ROR1: variants seen among roughly 807,000 people sequenced by gnomAD.
ROR1 encodes ROR family WNT receptor 1.
ROR1 carries 19 observed loss-of-function variants against 78.8 expected under a neutral mutation model. The ratio of observed to expected loss-of-function variants is 0.24; its 90% CI spans 0.17 to 0.35. The LOEUF is 0.35. Among genes scored for constraint, ROR1 ranks in the 10% least tolerant of loss-of-function variants. ROR1 has a pLI of 1.00. For missense variants in ROR1, 917 were observed against 1,177.8 expected (o/e 0.78, Z 3.24); for synonymous variants, 386 against 433.6 (o/e 0.89, Z 1.36).
rs1349362602 is a variant in ROR1 at position 64,177,450 on chromosome 1, T to C, written c.1409T>C (p.Leu470Pro). Residue 470 changes from leucine to proline, a missense_variant, in exon 9 of 9, where the codon CTT becomes CCT. Physicochemically the swap from Leu to Pro is moderately conservative, Grantham distance 98. Around this residue, in one of 3 missense-constraint regions of ROR1, gnomAD observed 835 missense variants for 1,069.8 expected, o/e 0.78. Coordinates refer to ENST00000371079, the MANE Select transcript of ROR1 (RefSeq NM_005012.4). Reference sequence around the variant, plus strand: ...CAGAGCAAGGCTAAAGAGCTACCTCTTTCTGCTGTACGCTTTATGGAAGAA... The same window carrying C: ...CAGAGCAAGGCTAAAGAGCTACCTCCTTCTGCTGTACGCTTTATGGAAGAA... The part of the protein sequence containing the change: ...KPKSKAKELP[L>P]SAVRFMEELG... 6.2e-7 allele frequency: 1 copy of C among 1,613,904 alleles called. No homozygotes were observed. The highest frequency in any genetic ancestry group is 8.5e-7 in the Non-Finnish European group (1 of 1,179,928).
chr1:63,978,872 G>A (rs2100506399), intron 1 of ROR1, among the ~76,000 whole-genome samples: 1 of 152,318 alleles, frequency 6.6e-6, no homozygotes, highest in Admixed American at 6.5e-5. Context: ...AGTCTGTGGG[G>A]TGCGCTGGCA....
intron 1 of ROR1, among the ~76,000 whole-genome samples, chr1:63,921,704 G>T (rs1468259483): frequency 6.6e-6 from 1 of 151,994 alleles, no homozygotes; most frequent in African/African-American, 2.4e-5. Context: ...GAGGCTAGAA[G>T]TCAGGAAACC....
At chr1:63,843,008 G>A (rs1645058339) in intron 1 of ROR1, among the ~76,000 whole-genome samples, 1 of 152,114 alleles carries the variant, frequency 6.6e-6, no homozygotes, top group South Asian at 2.1e-4. Flanking sequence ...GAACCGTCAG[G>A]GATGGAGGGA....
intron 1 of ROR1, among the ~76,000 whole-genome samples, chr1:63,986,644 A>G (rs965495941): frequency 5.3e-5 from 8 of 152,234 alleles, no homozygotes; most frequent in African/African-American, 1.7e-4. Flanking sequence ...TGTAATCCCA[A>G]CACTTTGGGA....
At chr1:63,933,446 C>T (rs949872756) in intron 1 of ROR1, among the ~76,000 whole-genome samples, 4 of 152,126 alleles carry the variant, frequency 2.6e-5, no homozygotes, top group Admixed American at 6.5e-5. Context: ...ATGAAACCCT[C>T]AATCAAATGT....
chr1:63,995,903 T>C (rs927670937), intron 1 of ROR1, among the ~76,000 whole-genome samples: 2 of 152,122 alleles, frequency 1.3e-5, no homozygotes, highest in African/African-American at 4.8e-5. Context: ...CTAGATTCAA[T>C]GGTACAGAAA....
intron 1 of ROR1, among the ~76,000 whole-genome samples, chr1:63,980,218 A>G (rs1371878222): frequency 6.6e-6 from 1 of 152,108 alleles, no homozygotes; most frequent in Non-Finnish European, 1.5e-5. Context: ...CATCTAACTC[A>G]TGCTGCCAGA....
chr1:64,010,759 T>C (rs534989105), intron 2 of ROR1, among the ~76,000 whole-genome samples: 1 of 152,268 alleles, frequency 6.6e-6, no homozygotes, highest in Admixed American at 6.5e-5. Flanking sequence ...CCCATCCTGT[T>C]CTCATAATAA....
chr1:64,053,316 G>A (rs1646848516), intron 4 of ROR1, among the ~76,000 whole-genome samples: 1 of 152,164 alleles, frequency 6.6e-6, no homozygotes. Context: ...CTCCTGCCTG[G>A]GAAGGGCTTG....
At chr1:63,861,704 G>A (rs1009082226) in intron 1 of ROR1, among the ~76,000 whole-genome samples, 1 of 152,206 alleles carries the variant, frequency 6.6e-6, no homozygotes, top group Admixed American at 6.5e-5. Context: ...AGGAAATATG[G>A]TTTTTGGGGA....
rs371760761 is a variant in ROR1, at chr1:64,051,516, A to G, written c.482+800A>G. On this transcript the variant is annotated intron_variant, in intron 4 of 8. Transcript: ENST00000371079. ...ATAAAATAAAAAAGCTGAAGTTCTA[A>G]CTTACACTGGGAAAGAAAGTCCCAA... Among the ~76,000 whole-genome samples the G allele has an allele frequency of 7.9e-5, 12 of 151,932 alleles. 1 individual carries two copies. The highest frequency in any genetic ancestry group is 1.4e-4 in the African/African-American group (6 of 41,516).
chr1:64,137,519 T>G, intron 5 of ROR1, 23 bp downstream of exon 5: 1 of 1,602,362 alleles, frequency 6.2e-7, no homozygotes, highest in Non-Finnish European at 8.5e-7. Context: ...AATGAAATTA[T>G]ATTTGTCCCT....
chr1:63,783,292 A>G lies in ROR1; in HGVS notation c.91+8784A>G, dbSNP rs188956086. Among the ~76,000 whole-genome samples the G allele has an allele frequency of 1.1e-4, 17 of 152,236 alleles. 1 individual carries two copies. The highest frequency in any genetic ancestry group is 2.1e-4 in the South Asian group (1 of 4,822). On this transcript the variant is annotated intron_variant, in intron 1 of 8. Coordinates refer to ENST00000371079, the MANE Select transcript of ROR1 (RefSeq NM_005012.4). ...CAAAGGGTGTCCCAGGGAGTTAAAA[A>G]TGTTGTGCATTTCAGGGCTGCTTGT...
At chr1:63,797,437 C>T (rs1195547473) in intron 1 of ROR1, among the ~76,000 whole-genome samples, 1 of 152,134 alleles carries the variant, frequency 6.6e-6, no homozygotes, top group Non-Finnish European at 1.5e-5. Flanking sequence ...ATGAATTTTC[C>T]CGAGTTCCTC....
chr1:64,124,608 C>T (rs536631073), intron 4 of ROR1, among the ~76,000 whole-genome samples: 3 of 152,262 alleles, frequency 2.0e-5, no homozygotes, highest in Admixed American at 1.3e-4. Flanking sequence ...CCTTCCAGAC[C>T]TCTAGTAGCC....
chr1:64,086,313 C>T (rs184606505), intron 4 of ROR1, among the ~76,000 whole-genome samples: 5 of 152,250 alleles, frequency 3.3e-5, no homozygotes, highest in East Asian at 1.9e-4. Context: ...GGTTCAAACC[C>T]GTCTTTATAT....
chr1:63,910,801 G>A (rs771136049), intron 1 of ROR1, among the ~76,000 whole-genome samples: 2 of 152,170 alleles, frequency 1.3e-5, no homozygotes, highest in Non-Finnish European at 2.9e-5. Flanking sequence ...CGAAGTAGAC[G>A]TTCCAACCCA....
chr1:64,174,278 G>A (rs1363291989), intron 8 of ROR1, among the ~76,000 whole-genome samples: 2 of 152,150 alleles, frequency 1.3e-5, no homozygotes, highest in Non-Finnish European at 2.9e-5. Context: ...CAAGGTCAGT[G>A]ATTAATATTA....
chr1:64,063,306 GGGA>G (rs1484898292), intron 4 of ROR1, among the ~76,000 whole-genome samples: 87 of 152,290 alleles, frequency 5.7e-4, no homozygotes, highest in Admixed American at 1.4e-3. Context: ...TCGTGGTTTA[GGGA>G]GGAGATCTTT....
Sources: allele counts gnomAD v4.1 joint callset (sites outside exome capture counted in the v4.1 genomes callset), GRCh38; gene constraint gnomAD v4.1.1; regional missense constraint gnomAD v4.1.1; transcripts MANE v1.5; gene names NCBI Gene and HGNC (gene_info 2026-07-23, HGNC 2026-07-21).